Variants in FOXJ3 observed in about 807,000 individuals in gnomAD.
FOXJ3 encodes the protein forkhead box protein J3.
Under a neutral mutation model 76.1 loss-of-function variants are expected in FOXJ3, and 22 were observed. The ratio of observed to expected loss-of-function variants is 0.29; its 90% CI spans 0.21 to 0.41. The LOEUF (loss-of-function observed/expected upper bound fraction) is 0.41, where lower values mean the gene tolerates loss of function less well. FOXJ3 is among the 10% of genes least tolerant of loss of function. FOXJ3 has a pLI of 1.00. For missense variants in FOXJ3, 613 were observed against 762.1 expected (o/e 0.80, Z 2.30); for synonymous variants, 269 against 261.2 (o/e 1.03, Z -0.29).
intron 11 of FOXJ3, among the ~76,000 whole-genome samples, chr1:42,185,202 T>C (rs1013404619): frequency 1.3e-5 from 2 of 151,932 alleles, no homozygotes; most frequent in African/African-American, 4.8e-5. Context: ...TTTCTCTGAA[T>C]TCTTATTGCA....
intron 7 of FOXJ3, among the ~76,000 whole-genome samples, chr1:42,198,815 T>A (rs1405332477): frequency 6.6e-6 from 1 of 152,166 alleles, no homozygotes; most frequent in Non-Finnish European, 1.5e-5. Flanking sequence ...TAAACTAAAG[T>A]GCAATTTTTT....
At chr1:42,237,460 A>G (rs893824191) in intron 4 of FOXJ3, among the ~76,000 whole-genome samples, 10 of 146,246 alleles carry the variant, frequency 6.8e-5, no homozygotes, top group Non-Finnish European at 1.2e-4. Context: ...ACACATACAT[A>G]CATATACATA....
chr1:42,273,674 CA>C lies in FOXJ3; in HGVS notation c.369+4673del, dbSNP rs35528514. 3.6e-3 allele frequency among the ~76,000 whole-genome samples: 307 copies of C among 86,312 alleles called. 2 individuals are homozygous for C. The highest frequency in any genetic ancestry group is 0.011 in the African/African-American group (229 of 20,518). The allele number at this position is 86,312 out of a possible 152,430, so 56.6% of individuals were successfully genotyped here. On this transcript the variant is annotated intron_variant, in intron 3 of 12. Coordinates refer to ENST00000361346, the MANE Select transcript of FOXJ3 (RefSeq NM_014947.5). Reference sequence around the variant, plus strand: ...TGGACAACAGAGCGACACTCCATCTCAAAAAAAAAAAAAAAAAAAAATTGCA... The same window carrying C: ...TGGACAACAGAGCGACACTCCATCTCAAAAAAAAAAAAAAAAAAAATTGCA...
In FOXJ3 at chr1:42,309,001, CA is replaced by C. The variant is rs59583552; in HGVS notation, c.44+2048del. Among the ~76,000 whole-genome samples the C allele has an allele frequency of 8.6e-4, 89 of 103,830 alleles. 1 individual carries two copies. Among genetic ancestry groups the C allele is most frequent in the South Asian group, 2.8e-3 (8 of 2,888 alleles). The allele number at this position is 103,830 out of a possible 152,430, so 68.1% of individuals were successfully genotyped here. ...TAAAGAAATAACAACAGTCGTTTTACAAAAAAAAAAAAAAAAATGCTTTTCT... is the reference window on the plus strand; with the variant it reads ...TAAAGAAATAACAACAGTCGTTTTACAAAAAAAAAAAAAAAATGCTTTTCT... On this transcript the variant is annotated intron_variant, in intron 2 of 12. Coordinates refer to ENST00000361346, the MANE Select transcript of FOXJ3 (RefSeq NM_014947.5).
intron 6 of FOXJ3, among the ~76,000 whole-genome samples, chr1:42,204,074 C>T (rs1646814600): frequency 6.6e-6 from 1 of 151,548 alleles, no homozygotes. Context: ...TCTTTGGTAA[C>T]CCCAAACTCC....
intron 1 of FOXJ3, among the ~76,000 whole-genome samples, chr1:42,320,954 C>T (rs559080546): frequency 2.0e-5 from 3 of 152,146 alleles, no homozygotes; most frequent in African/African-American, 7.2e-5. Flanking sequence ...CAGATCCTAC[C>T]CATATTGCTG....
chr1:42,300,849 A>C (rs1654099000), intron 2 of FOXJ3, among the ~76,000 whole-genome samples: 1 of 152,148 alleles, frequency 6.6e-6, no homozygotes, highest in African/African-American at 2.4e-5. Context: ...AATCTCTTCC[A>C]GCTGACTTGC....
intron 3 of FOXJ3, among the ~76,000 whole-genome samples, chr1:42,267,206 C>G (rs527275107): frequency 3.9e-5 from 6 of 152,222 alleles, no homozygotes; most frequent in Non-Finnish European, 5.9e-5. Flanking sequence ...CTCCTTGCCT[C>G]TACCAAAAGC....
chr1:42,188,877 T>C lies in FOXJ3; in HGVS notation c.1505A>G (p.Gln502Arg). Residue 502 changes from glutamine (Q) to arginine (R), a missense_variant, in exon 11 of 13, where the codon CAG (glutamine) becomes CGG (arginine). Physicochemically the swap from Gln to Arg is conservative, Grantham distance 43 (BLOSUM62 1). Around this residue, in one of 3 missense-constraint regions of FOXJ3, gnomAD observed 526 missense variants for 601.4 expected, o/e 0.87. Transcript: ENST00000361346. The stretch of plus-strand genomic sequence containing the variant: ...AGAACAAAGATCGGCAAACTGAACC[T>C]GGTCTAAAGACCAGTTCTTGAGATC... ...QADLKNWSLDQVQFADLCSSL... is the reference protein window; with the variant it reads ...QADLKNWSLDRVQFADLCSSL... 1.7e-5 allele frequency: 28 copies of C among 1,613,140 alleles called. No individual in the cohort carries two copies. Among genetic ancestry groups the C allele is most frequent in the Non-Finnish European group, 2.4e-5 (28 of 1,179,382 alleles).
At chr1:42,207,687 A>AT (rs888401515) in intron 5 of FOXJ3, among the ~76,000 whole-genome samples, 8 of 152,180 alleles carry the variant, frequency 5.3e-5, no homozygotes, top group Non-Finnish European at 8.8e-5. Flanking sequence ...ACCAAGACAC[A>AT]TTTTTGAAAT....
At chr1:42,223,200 T>C (rs1031590549) in intron 5 of FOXJ3, among the ~76,000 whole-genome samples, 4 of 152,142 alleles carry the variant, frequency 2.6e-5, no homozygotes, top group African/African-American at 9.7e-5. Context: ...AGCATGCTAG[T>C]TTTCCAGAGA....
At chr1:42,328,560 A>G (rs1286688367) in intron 1 of FOXJ3, among the ~76,000 whole-genome samples, 2 of 152,176 alleles carry the variant, frequency 1.3e-5, no homozygotes, top group Admixed American at 6.5e-5. Flanking sequence ...AAATTCTTAG[A>G]GCAACCAAGT....
intron 2 of FOXJ3, among the ~76,000 whole-genome samples, chr1:42,294,319 T>C (rs2124712972): frequency 6.6e-6 from 1 of 152,356 alleles, no homozygotes; most frequent in East Asian, 1.9e-4. Context: ...TGTTGTACTA[T>C]ACTTTGTCCG....
intron 3 of FOXJ3, among the ~76,000 whole-genome samples, chr1:42,273,675 A>C (rs1652037617): frequency 7.5e-5 from 1 of 13,318 alleles, no homozygotes; most frequent in Admixed American, 1.3e-3. Flanking sequence ...ACTCCATCTC[A>C]AAAAAAAAAA....
chr1:42,309,259 C>T (rs773905073), intron 2 of FOXJ3, among the ~76,000 whole-genome samples: 2 of 152,158 alleles, frequency 1.3e-5, no homozygotes, highest in Admixed American at 6.5e-5. Context: ...ATCATCTAGG[C>T]TGCTCCAACC....
chr1:42,314,137 G>A (rs190427586), intron 1 of FOXJ3, among the ~76,000 whole-genome samples: 197 of 152,244 alleles, frequency 1.3e-3, no homozygotes, highest in Non-Finnish European at 2.1e-3. Flanking sequence ...TAGTCTCTAT[G>A]AGGAATTACT....
chr1:42,203,477 T>G (rs930128106), intron 6 of FOXJ3, among the ~76,000 whole-genome samples: 3 of 152,182 alleles, frequency 2.0e-5, no homozygotes, highest in Non-Finnish European at 4.4e-5. Flanking sequence ...GGCTGATCTA[T>G]TTTGGTTTGC....
At chr1:42,324,574 C>T (rs1344502212) in intron 1 of FOXJ3, among the ~76,000 whole-genome samples, 2 of 151,934 alleles carry the variant, frequency 1.3e-5, no homozygotes, top group African/African-American at 2.4e-5. Flanking sequence ...ACTGTACAAA[C>T]GTCAGAGTGT....
chr1:42,194,377 C>T (rs563073223), intron 8 of FOXJ3, among the ~76,000 whole-genome samples: 1 of 152,238 alleles, frequency 6.6e-6, no homozygotes, highest in Non-Finnish European at 1.5e-5. Context: ...ATATTAAAAT[C>T]TGACTTAAGT....
Sources: allele counts gnomAD v4.1 joint callset (sites outside exome capture counted in the v4.1 genomes callset), GRCh38; gene constraint gnomAD v4.1.1; regional missense constraint gnomAD v4.1.1; transcripts MANE v1.5; gene names NCBI Gene and HGNC (gene_info 2026-07-23, HGNC 2026-07-21).